PLCH1: variants seen among roughly 807,000 people sequenced by gnomAD.
PLCH1 encodes the protein phospholipase C eta 1.
A neutral mutation model predicts 126.7 loss-of-function variants in PLCH1; 60 were observed. That is an observed-to-expected ratio of 0.47 (90% confidence interval 0.38 to 0.59). PLCH1 has a LOEUF of 0.59. Among genes scored for constraint, PLCH1 ranks in the 20% least tolerant of loss-of-function variants. The pLI, the probability that PLCH1 is intolerant of heterozygous loss-of-function variation, is 0.00. For synonymous variants in PLCH1, 719 were observed against 734.9 expected, an observed-to-expected ratio of 0.98 and a Z score of 0.35; for missense variants, 1,723 against 2,040.0, an observed-to-expected ratio of 0.84 and a Z score of 2.99.
chr3:155,575,387 A>G (rs1729791338), intron 6 of PLCH1, among the ~76,000 whole-genome samples: 1 of 152,178 alleles, frequency 6.6e-6, no homozygotes, highest in African/African-American at 2.4e-5. Flanking sequence ...TGATTCCTAT[A>G]ATTGGATCAG....
At chr3:155,681,873 C>G (rs376852014) in intron 2 of PLCH1, among the ~76,000 whole-genome samples, 3 of 152,116 alleles carry the variant, frequency 2.0e-5, no homozygotes, top group South Asian at 2.1e-4. Context: ...TTTTTTACTA[C>G]CACTGAGGCA....
At chr3:155,466,053 T>C (rs1200700081) in intron 21 of PLCH1, among the ~76,000 whole-genome samples, 1 of 152,156 alleles carries the variant, frequency 6.6e-6, no homozygotes, top group Non-Finnish European at 1.5e-5. Flanking sequence ...CTAGGGTCTA[T>C]GAGATTTCAC....
chr3:155,554,857 T>C (rs1463723771), intron 8 of PLCH1, among the ~76,000 whole-genome samples: 2 of 152,192 alleles, frequency 1.3e-5, no homozygotes, highest in Non-Finnish European at 2.9e-5. Context: ...TAAATATATG[T>C]AAAGTAGCTT....
At chr3:155,668,084 C>CA (rs756879174) in intron 2 of PLCH1, among the ~76,000 whole-genome samples, 1,720 of 37,268 alleles carry the variant, frequency 0.046, 83 homozygotes, top group African/African-American at 0.09. Flanking sequence ...GACTCCATCT[C>CA]AAAAAAAAAA....
intron 1 of PLCH1, among the ~76,000 whole-genome samples, chr3:155,723,077 C>G (rs1246860208): frequency 6.6e-6 from 1 of 152,242 alleles, no homozygotes; most frequent in South Asian, 2.1e-4. Context: ...GGAATTTATC[C>G]ATCTTCTCTA....
intron 2 of PLCH1, among the ~76,000 whole-genome samples, chr3:155,692,943 C>T (rs1222549145): frequency 6.6e-6 from 1 of 151,912 alleles, no homozygotes; most frequent in African/African-American, 2.4e-5. Flanking sequence ...CTGCCACGCC[C>T]GGCTAAGTTT....
intron 2 of PLCH1, among the ~76,000 whole-genome samples, chr3:155,691,377 T>G (rs1332071499): frequency 6.6e-6 from 1 of 152,242 alleles, no homozygotes. Flanking sequence ...CGACAAGGTC[T>G]AAACTCAGTT....
intron 14 of PLCH1, among the ~76,000 whole-genome samples, chr3:155,498,153 G>A (rs1717349472): frequency 6.6e-6 from 1 of 152,156 alleles, no homozygotes; most frequent in Admixed American, 6.5e-5. Context: ...ATCTTCTTAT[G>A]TGACTGACTG....
At chr3:155,551,444 GAAAAAAAAAAAAAAAAAAAAAAAA>G in intron 9 of PLCH1, among the ~76,000 whole-genome samples, 1 of 42,088 alleles carries the variant, frequency 2.4e-5, no homozygotes, top group Non-Finnish European at 3.8e-5. Context: ...GGCTGCCTCA[GAAAAAAAAAAAAAAAAAAAAAAAA>G]AAAAAAAAAA....
intron 1 of PLCH1, among the ~76,000 whole-genome samples, chr3:155,734,195 A>C (rs1481410839): frequency 6.6e-6 from 1 of 152,058 alleles, no homozygotes; most frequent in African/African-American, 2.4e-5. Context: ...ACAGTGTCTC[A>C]TGTTTGTAAT....
intron 1 of PLCH1, among the ~76,000 whole-genome samples, chr3:155,732,451 C>G (rs773188915): frequency 6.6e-6 from 1 of 151,056 alleles, no homozygotes; most frequent in Non-Finnish European, 1.5e-5. Context: ...CTTTGGGAGG[C>G]CGAGGCGGGT....
chr3:155,740,226 C>T (rs151326305), intron 1 of PLCH1, among the ~76,000 whole-genome samples: 1 of 152,214 alleles, frequency 6.6e-6, no homozygotes, highest in Non-Finnish European at 1.5e-5. Flanking sequence ...GTCTGGCCAA[C>T]ATGGCAAAAC....
intron 1 of PLCH1, among the ~76,000 whole-genome samples, chr3:155,722,164 C>CTT (rs549327326): frequency 6.7e-6 from 1 of 149,230 alleles, no homozygotes; most frequent in Non-Finnish European, 1.5e-5. Context: ...TCGTAGATGT[C>CTT]TTTTTTTTTT....
chr3:155,695,757 C>G (rs1409867140), intron 2 of PLCH1, among the ~76,000 whole-genome samples: 1 of 152,180 alleles, frequency 6.6e-6, no homozygotes, highest in Non-Finnish European at 1.5e-5. Context: ...TAAAACAGGA[C>G]CTGACCTGGT....
intron 1 of PLCH1, among the ~76,000 whole-genome samples, chr3:155,737,980 G>A (rs78403492): frequency 0.09 from 13,738 of 152,158 alleles, 860 homozygotes; most frequent in Middle Eastern, 0.14. Context: ...GAGAAACCTT[G>A]AGTGCCTTGG....
intron 10 of PLCH1, among the ~76,000 whole-genome samples, chr3:155,525,532 A>C (rs1721784593): frequency 2.0e-5 from 3 of 152,194 alleles, no homozygotes; most frequent in Admixed American, 2.0e-4. Context: ...TAGCAGCTCA[A>C]AGGAACTAAG....
intron 2 of PLCH1, among the ~76,000 whole-genome samples, chr3:155,682,258 G>A (rs1744597479): frequency 6.6e-6 from 1 of 152,122 alleles, no homozygotes; most frequent in Non-Finnish European, 1.5e-5. Context: ...ATTCAAACAA[G>A]CCCAGCATAG....
chr3:155,583,103 T>C (rs1041775251), intron 6 of PLCH1, among the ~76,000 whole-genome samples: 1 of 149,980 alleles, frequency 6.7e-6, no homozygotes, highest in South Asian at 2.1e-4. Context: ...ACTAAATTTA[T>C]ACTAATATGA....
At chr3:155,458,570 G>A (rs868076460) in intron 21 of PLCH1, among the ~76,000 whole-genome samples, 8 of 151,068 alleles carry the variant, frequency 5.3e-5, no homozygotes, top group Non-Finnish European at 1.0e-4. Flanking sequence ...AAGAAAGAAA[G>A]AAAGAAAGAA....
Sources: allele counts gnomAD v4.1 joint callset (sites outside exome capture counted in the v4.1 genomes callset), GRCh38; gene constraint gnomAD v4.1.1; transcripts MANE v1.5; gene names NCBI Gene and HGNC (gene_info 2026-07-23, HGNC 2026-07-21).